The following SLC1A3 variants were observed in gnomAD, a reference collection of about 807,000 sequenced individuals.
SLC1A3 encodes the protein excitatory amino acid transporter 1.
A neutral mutation model predicts 48.1 loss-of-function variants in SLC1A3; 21 were observed. The ratio of observed to expected loss-of-function variants is 0.44; its 90% CI spans 0.31 to 0.63. SLC1A3 has a LOEUF of 0.63. Ranked by LOEUF, SLC1A3 falls within the 20% of genes least tolerant of loss-of-function variation. The pLI, the probability that SLC1A3 is intolerant of heterozygous loss-of-function variation, is 0.08. For missense variants in SLC1A3, 546 were observed against 689.0 expected, an observed-to-expected ratio of 0.79 and a Z score of 2.32; for synonymous variants, 239 against 251.4, an observed-to-expected ratio of 0.95 and a Z score of 0.47.
intron 3 of SLC1A3, among the ~76,000 whole-genome samples, chr5:36,664,852 A>G (rs1245354288): frequency 6.6e-6 from 1 of 152,228 alleles, no homozygotes; most frequent in African/African-American, 2.4e-5. Flanking sequence ...ATGTTAGCAA[A>G]ACAGGGAAAA....
chr5:36,637,190 A>T (rs1740427937), intron 3 of SLC1A3, among the ~76,000 whole-genome samples: 1 of 152,142 alleles, frequency 6.6e-6, no homozygotes, highest in African/African-American at 2.4e-5. Flanking sequence ...CTGGGTAGGG[A>T]CAGTGGTCTA....
chr5:36,636,467 C>CTT (rs1459029144), intron 3 of SLC1A3: 4 of 31,342 alleles, frequency 1.3e-4, no homozygotes, highest in Non-Finnish European at 1.5e-4. Context: ...TCTTTCTTTT[C>CTT]TTTCTTTCTT....
intron 3 of SLC1A3, among the ~76,000 whole-genome samples, chr5:36,662,449 G>A (rs1300224979): frequency 6.6e-6 from 1 of 152,162 alleles, no homozygotes; most frequent in Admixed American, 6.5e-5. Flanking sequence ...AAGGGTCTTG[G>A]TCTGAGGCTG....
chr5:36,635,331 C>A (rs181463397), intron 3 of SLC1A3, among the ~76,000 whole-genome samples: 2 of 152,248 alleles, frequency 1.3e-5, no homozygotes, highest in African/African-American at 4.8e-5. Flanking sequence ...TAGCTGTTGG[C>A]GGTAAGAGTA....
intron 3 of SLC1A3, chr5:36,635,958 G>A (rs1333320593): frequency 6.6e-6 from 1 of 152,102 alleles, no homozygotes; most frequent in African/African-American, 2.4e-5. Flanking sequence ...TCTAGAAAGG[G>A]AGGTTGTATA....
At chr5:36,607,310 T>C (rs933648053) in intron 1 of SLC1A3, 1 of 152,154 alleles carries the variant, frequency 6.6e-6, no homozygotes, top group African/African-American at 2.4e-5. Flanking sequence ...CACACATCCA[T>C]GGTACGGCTG....
At chr5:36,663,869 A>G (rs1350385296) in intron 3 of SLC1A3, among the ~76,000 whole-genome samples, 1 of 152,216 alleles carries the variant, frequency 6.6e-6, no homozygotes, top group Non-Finnish European at 1.5e-5. Flanking sequence ...CATTCTCTTC[A>G]CCAAGAATCA....
At chr5:36,659,148 A>G (rs185812966) in intron 3 of SLC1A3, among the ~76,000 whole-genome samples, 57 of 152,346 alleles carry the variant, frequency 3.7e-4, no homozygotes, top group African/African-American at 1.3e-3. Flanking sequence ...GACAGTAGGC[A>G]TAATGATCAA....
At chr5:36,670,455 G>A (rs1407733895) in intron 3 of SLC1A3, among the ~76,000 whole-genome samples, 4 of 152,158 alleles carry the variant, frequency 2.6e-5, no homozygotes. Context: ...GCAAATTGAA[G>A]ATAGATCACC....
chr5:36,623,787 C>T (rs995764191), intron 2 of SLC1A3, among the ~76,000 whole-genome samples: 1 of 151,428 alleles, frequency 6.6e-6, no homozygotes, highest in Admixed American at 6.6e-5. Context: ...TCGCTTGAAC[C>T]CAGAGGCAGA....
chr5:36,656,940 G>C (rs970656713), intron 3 of SLC1A3, among the ~76,000 whole-genome samples: 3 of 152,158 alleles, frequency 2.0e-5, no homozygotes, highest in African/African-American at 7.2e-5. Context: ...TAAAAGAATG[G>C]ACTTTTTAAT....
chr5:36,647,895 C>CTTGT (rs993800506), intron 3 of SLC1A3, among the ~76,000 whole-genome samples: 7 of 152,054 alleles, frequency 4.6e-5, no homozygotes, highest in Non-Finnish European at 7.4e-5. Flanking sequence ...TTCGTGGCTT[C>CTTGT]TTGTTTGTTT....
intron 6 of SLC1A3, among the ~76,000 whole-genome samples, chr5:36,677,866 G>T (rs1282841321): frequency 1.3e-5 from 2 of 152,204 alleles, no homozygotes; most frequent in Admixed American, 6.5e-5. Flanking sequence ...ATCTGTTTCA[G>T]CCCTAAGAAA....
upstream of SLC1A3, among the ~76,000 whole-genome samples, chr5:36,604,916 G>GT (rs1377516983): frequency 2.1e-5 from 3 of 140,790 alleles, no homozygotes; most frequent in East Asian, 2.1e-4. Context: ...TGGGGGGGGG[G>GT]GGTGTGCAAA....
At chr5:36,627,320 T>C (rs1470417296) in intron 2 of SLC1A3, among the ~76,000 whole-genome samples, 1 of 152,148 alleles carries the variant, frequency 6.6e-6, no homozygotes. Flanking sequence ...AAATTTTGCT[T>C]GTTTTAACAA....
At chr5:36,679,458 C>T (rs1742343242) in intron 6 of SLC1A3, among the ~76,000 whole-genome samples, 169 bp from the exon 7 acceptor site, 1 of 152,208 alleles carries the variant, frequency 6.6e-6, no homozygotes, top group Non-Finnish European at 1.5e-5. Flanking sequence ...AAGAAGTCCA[C>T]AGTTTCTGTA....
chr5:36,621,191 C>T (rs561615984), intron 2 of SLC1A3, among the ~76,000 whole-genome samples: 1 of 152,160 alleles, frequency 6.6e-6, no homozygotes, highest in African/African-American at 2.4e-5. Context: ...CAGGCGTGAG[C>T]CACCACGCCT....
At chr5:36,630,281 T>C (rs1740087389) in intron 3 of SLC1A3, 1 of 152,592 alleles carries the variant, frequency 6.6e-6, no homozygotes, top group African/African-American at 2.4e-5. Context: ...GACAATGAGA[T>C]AACCATTTAT....
chr5:36,649,735 A>T (rs1740984591), intron 3 of SLC1A3, among the ~76,000 whole-genome samples: 1 of 152,232 alleles, frequency 6.6e-6, no homozygotes, highest in African/African-American at 2.4e-5. Context: ...ATAAAAAGTC[A>T]TTCTTCTCAG....
Sources: allele counts gnomAD v4.1 joint callset (sites outside exome capture counted in the v4.1 genomes callset), GRCh38; gene constraint gnomAD v4.1.1; transcripts MANE v1.5; gene names NCBI Gene and HGNC (gene_info 2026-07-23, HGNC 2026-07-21).